The following ENPP2 variants were observed in gnomAD, a reference collection of about 807,000 sequenced individuals.
The protein encoded by ENPP2 is autotaxin.
ENPP2 carries 51 observed loss-of-function variants against 120.2 expected under a neutral mutation model. That is an observed-to-expected ratio of 0.42 (90% CI 0.34 to 0.54). The LOEUF (loss-of-function observed/expected upper bound fraction) is 0.54, where lower values mean the gene tolerates loss of function less well. ENPP2 is among the 20% of genes least tolerant of loss of function. ENPP2 has a pLI of 0.04. For missense variants in ENPP2, 920 were observed against 1,066.5 expected, an observed-to-expected ratio of 0.86 and a Z score of 1.91; for synonymous variants, 365 against 366.4, an observed-to-expected ratio of 1.00 and a Z score of 0.04.
chr8:119,569,696 C>G (rs2130076312), intron 20 of ENPP2, among the ~76,000 whole-genome samples: 1 of 151,488 alleles, frequency 6.6e-6, no homozygotes. Flanking sequence ...TAAAATAACA[C>G]TCTTACAAAC....
chr8:119,577,461 C>T (rs1812420344), intron 19 of ENPP2, among the ~76,000 whole-genome samples: 1 of 152,174 alleles, frequency 6.6e-6, no homozygotes, highest in Non-Finnish European at 1.5e-5. Flanking sequence ...GAAAACATCG[C>T]TTTGCCACTG....
At chr8:119,576,414 A>C (rs527248889) in intron 19 of ENPP2, among the ~76,000 whole-genome samples, 61 of 152,326 alleles carry the variant, frequency 4.0e-4, no homozygotes, top group African/African-American at 1.5e-3. Context: ...CTGGGATTAC[A>C]AGTGTGAGCC....
intron 1 of ENPP2, among the ~76,000 whole-genome samples, chr8:119,654,244 ATATATC>A (rs1242899905): frequency 1.5e-5 from 2 of 135,756 alleles, no homozygotes; most frequent in African/African-American, 5.6e-5. Flanking sequence ...AGATATAGCT[ATATATC>A]TATATCTATA....
chr8:119,645,491 G>T (rs1457421054), intron 1 of ENPP2, among the ~76,000 whole-genome samples: 1 of 152,060 alleles, frequency 6.6e-6, no homozygotes, highest in Non-Finnish European at 1.5e-5. Flanking sequence ...TAATGTTTAG[G>T]TTCATCCCTT....
chr8:119,673,255 A>G (rs1452006160), exon 1 of ENPP2: 2 of 1,534,976 alleles, frequency 1.3e-6, no homozygotes, highest in Admixed American at 3.9e-5. Flanking sequence ...ACCGTACCCG[A>G]TCGGCGTGGC....
At chr8:119,573,299 A>G (rs974942534) in intron 19 of ENPP2, among the ~76,000 whole-genome samples, 7 of 151,182 alleles carry the variant, frequency 4.6e-5, no homozygotes, top group Admixed American at 4.6e-4. Context: ...CCCAGCTACT[A>G]GGGAGTCTGA....
Position 119,606,389 on chromosome 8 carries a change from G to A in ENPP2, c.833+1533C>T, listed in dbSNP as rs118128498. On this transcript the variant is annotated intron_variant, in intron 9 of 24. Transcript: ENST00000075322. ...TTTGCAGCAGTTTCAGGGGGGCAAA[G>A]GTGGGGACTCAGTATTAATTATGTT... Among the ~76,000 whole-genome samples, 518 of 152,262 alleles carry A rather than the reference G, an allele frequency of 3.4e-3. 2 individuals carry two copies. Among genetic ancestry groups the A allele is most frequent in the East Asian group, 0.022 (112 of 5,182 alleles).
intron 12 of ENPP2, among the ~76,000 whole-genome samples, chr8:119,592,716 C>G (rs1813609724): frequency 6.6e-6 from 1 of 151,794 alleles, no homozygotes; most frequent in African/African-American, 2.4e-5. Context: ...GACACATGCT[C>G]CAACTTCTCT....
chr8:119,590,470 A>C (rs1813417304), intron 13 of ENPP2, 35 bp downstream of exon 13: 1 of 1,539,512 alleles, frequency 6.5e-7, no homozygotes, highest in African/African-American at 1.4e-5. Flanking sequence ...TTGTATTACC[A>C]CTCTAACCAC....
intron 1 of ENPP2, among the ~76,000 whole-genome samples, chr8:119,645,985 T>G (rs902103756): frequency 3.9e-4 from 59 of 152,060 alleles, no homozygotes; most frequent in Non-Finnish European, 7.1e-4. Context: ...TTTTTTTTTT[T>G]GAGATGGAGT....
chr8:119,591,037 T>C (rs1813472404), intron 12 of ENPP2, among the ~76,000 whole-genome samples: 2 of 145,920 alleles, frequency 1.4e-5, no homozygotes, highest in Admixed American at 1.4e-4. Flanking sequence ...CATCAAACTC[T>C]TCCCAGCTGG....
intron 24 of ENPP2, among the ~76,000 whole-genome samples, chr8:119,561,216 C>T (rs1436797825): frequency 6.6e-6 from 1 of 152,204 alleles, no homozygotes; most frequent in African/African-American, 2.4e-5. Flanking sequence ...TTGAAGTCAA[C>T]AGATCAAAAA....
At chr8:119,639,607 G>A, upstream of ENPP2, among the ~76,000 whole-genome samples, 1 of 152,066 alleles carries the variant, frequency 6.6e-6, no homozygotes, top group East Asian at 1.9e-4. Context: ...TTTCGGGCGG[G>A]GCGGAGGAGG....
At chr8:119,640,858 T>C (rs1817265774), upstream of ENPP2, among the ~76,000 whole-genome samples, 1 of 152,174 alleles carries the variant, frequency 6.6e-6, no homozygotes, top group Admixed American at 6.5e-5. Flanking sequence ...AAGTGATTCC[T>C]GTCTCAGCCT....
At chr8:119,585,931 C>G (rs1587396387) in intron 15 of ENPP2, among the ~76,000 whole-genome samples, 1 of 109,020 alleles carries the variant, frequency 9.2e-6, no homozygotes, top group African/African-American at 5.7e-5. Context: ...GAAAGAGACA[C>G]ACACACACAC....
chr8:119,673,243 A>C (rs1209985276), intron 1 of ENPP2: 1 of 1,534,070 alleles, frequency 6.5e-7, no homozygotes, highest in Non-Finnish European at 8.7e-7. Flanking sequence ...AGAGAGGCGC[A>C]TACCGTACCC....
At chr8:119,618,188 A>G (rs1413060586) in intron 5 of ENPP2, 1 of 396,770 alleles carries the variant, frequency 2.5e-6, no homozygotes, top group Non-Finnish European at 4.9e-6. Context: ...GAGATGAGCT[A>G]TCAAGGCTGC....
intron 2 of ENPP2, among the ~76,000 whole-genome samples, chr8:119,631,478 A>G (rs1346885294): frequency 6.6e-6 from 1 of 152,036 alleles, no homozygotes; most frequent in Non-Finnish European, 1.5e-5. Flanking sequence ...GGCCTTCCAA[A>G]GTGCTGGGAT....
intron 9 of ENPP2, among the ~76,000 whole-genome samples, chr8:119,607,508 T>A (rs556138384): frequency 6.6e-6 from 1 of 152,052 alleles, no homozygotes; most frequent in Non-Finnish European, 1.5e-5. Context: ...ACCCTGTCTC[T>A]ACTAAAGATA....
Sources: gnomAD v4.1 joint callset for allele counts (sites outside exome capture counted in the v4.1 genomes callset) on GRCh38, gnomAD v4.1.1 for gene constraint, MANE v1.5 for transcripts, NCBI Gene and HGNC (gene_info 2026-07-23, HGNC 2026-07-21) for gene names.